The following ZNF99 variants were observed in gnomAD, a reference collection of about 807,000 sequenced individuals.
ZNF99 encodes the protein zinc finger protein 99.
A neutral mutation model predicts 12.8 loss-of-function variants in ZNF99; 8 were observed. The ratio of observed to expected loss-of-function variants is 0.62; its 90% CI spans 0.37 to 1.13. The LOEUF (loss-of-function observed/expected upper bound fraction) is 1.13. Ranked by LOEUF, ZNF99 falls within the 50% of genes most tolerant of loss-of-function variation. The pLI is 0.02. For missense variants in ZNF99, 1,007 were observed against 1,006.2 expected, an observed-to-expected ratio of 1.00 and a Z score of -0.01; for synonymous variants, 318 against 319.0, an observed-to-expected ratio of 1.00 and a Z score of 0.03.
intron 1 of ZNF99, among the ~76,000 whole-genome samples, chr19:22,775,827 C>T (rs1973319711): frequency 6.6e-6 from 1 of 152,092 alleles, no homozygotes; most frequent in South Asian, 2.1e-4. Flanking sequence ...GAGTTCGAGA[C>T]CAGCCTGGCC....
At chr19:22,771,031 C>G (rs1029253092) in intron 1 of ZNF99, 4 of 150,436 alleles carry the variant, frequency 2.7e-5, no homozygotes, top group African/African-American at 9.8e-5. Flanking sequence ...CTCCACCTCC[C>G]GGGTTCAAGC....
chr19:22,778,829 A>C (rs937054033), intron 1 of ZNF99, among the ~76,000 whole-genome samples: 1 of 151,876 alleles, frequency 6.6e-6, no homozygotes, highest in Non-Finnish European at 1.5e-5. Flanking sequence ...ACATGAAGAA[A>C]CCTCGTCTCT....
chr19:22,782,708 C>T (rs1973402713), intron 1 of ZNF99, among the ~76,000 whole-genome samples: 1 of 122,624 alleles, frequency 8.2e-6, no homozygotes, highest in South Asian at 3.0e-4. Context: ...GTCTCCCTCT[C>T]TTGCCCAGGC....
chr19:22,757,508 A>T lies in ZNF99; in HGVS notation c.2401T>A (p.Ser801Thr), dbSNP rs779008113. Residue 801 changes from serine (S) to threonine (T), a missense_variant, in exon 4 of 4, where the codon TCC becomes ACC. By Grantham distance (58) the Ser-to-Thr change is moderately conservative (BLOSUM62 1). Transcript: ENST00000596209. ...ATCTCATGTTTTCTAAGGGTTGAGG[A>T]ATTGTTAAAAGCTTTGCCACATTCT... Reference protein sequence around the residue: ...CEECGKAFNNSSTLRKHEIIH... With the variant: ...CEECGKAFNNTSTLRKHEIIH... 2 of 1,611,126 alleles carry T rather than the reference A, an allele frequency of 1.2e-6. No homozygotes were observed. The highest frequency in any genetic ancestry group is 2.2e-5 in the South Asian group (2 of 91,048).
intron 1 of ZNF99, among the ~76,000 whole-genome samples, chr19:22,777,457 T>C (rs2145158700): frequency 6.6e-6 from 1 of 152,148 alleles, no homozygotes; most frequent in South Asian, 2.1e-4. Flanking sequence ...AGTGACAAAA[T>C]AATCTGCACA....
intron 1 of ZNF99, among the ~76,000 whole-genome samples, chr19:22,776,422 T>C (rs1298067719): frequency 5.7e-4 from 11 of 19,290 alleles, no homozygotes; most frequent in Non-Finnish European, 1.1e-3. Context: ...TATATATATA[T>C]ATATATATAT....
rs1175909307 is a variant in ZNF99, at chr19:22,759,233, C to A, written c.676G>T (p.Asp226Tyr). 6 of 1,558,854 alleles carry A rather than the reference C, an allele frequency of 3.8e-6. No homozygotes were observed. The highest frequency in any genetic ancestry group is 4.8e-5 in the East Asian group (2 of 41,684). Reference protein sequence around the residue: ...LIKHKIIHTEDKPYKYKKCGK... With the variant: ...LIKHKIIHTEYKPYKYKKCGK... ...CATTTCTTATATTTGTAGGGTTTGT[C>A]TTCAGTATGAATTATCTTATGTTTA... Residue 226 changes from aspartate (D) to tyrosine (Y), a missense_variant, in exon 4 of 4, where the codon GAC becomes TAC. Physicochemically the swap from Asp to Tyr is radical, Grantham distance 160. Coordinates refer to ENST00000596209, the MANE Select transcript of ZNF99 (RefSeq NM_001080409.3).
intron 1 of ZNF99, among the ~76,000 whole-genome samples, 169 bp downstream of exon 1, chr19:22,783,845 G>A (rs1040789604): frequency 5.3e-5 from 8 of 152,162 alleles, no homozygotes; most frequent in Non-Finnish European, 1.2e-4. Flanking sequence ...CCCGCAGTCA[G>A]CGCAGCCGCC....
intron 1 of ZNF99, among the ~76,000 whole-genome samples, chr19:22,774,592 AG>A (rs1461816907): frequency 1.3e-5 from 2 of 152,224 alleles, no homozygotes; most frequent in Non-Finnish European, 2.9e-5. Flanking sequence ...TTAACAGGCC[AG>A]GCACAGTGGC....
chr19:22,766,197 G>T (rs1168339860), intron 3 of ZNF99, among the ~76,000 whole-genome samples: 10 of 141,396 alleles, frequency 7.1e-5, no homozygotes, highest in Non-Finnish European at 1.5e-4. Flanking sequence ...TAGAAACTAC[G>T]CAAAACAAAA....
Position 22,754,599 on chromosome 19 carries a change from T to C in ZNF99, c.*2715A>G, listed in dbSNP as rs964937320. On this transcript the variant is annotated 3_prime_UTR_variant, in exon 4 of 4. Coordinates refer to ENST00000596209, the MANE Select transcript of ZNF99 (RefSeq NM_001080409.3). ...TCGGGTTTCTCTTCAGTATGAATTA[T>C]CTTAATGTGTGGTAAGATGTGAGAA... 2 of 393,446 alleles carry C rather than the reference T, an allele frequency of 5.1e-6. No individual in the cohort carries two copies. Among genetic ancestry groups the C allele is most frequent in the Non-Finnish European group, 1.0e-5 (2 of 200,420 alleles). The allele number at this position is 393,446 out of a possible 1,614,324, so 24.4% of individuals were successfully genotyped here.
At chr19:22,765,466 C>T (rs1242885231) in intron 3 of ZNF99, among the ~76,000 whole-genome samples, 1 of 151,246 alleles carries the variant, frequency 6.6e-6, no homozygotes, top group Non-Finnish European at 1.5e-5. Flanking sequence ...ACCACTTGTA[C>T]CTCAATAACT....
chr19:22,773,184 T>G (rs539992577), intron 1 of ZNF99, among the ~76,000 whole-genome samples: 1 of 152,312 alleles, frequency 6.6e-6, no homozygotes, highest in African/African-American at 2.4e-5. Context: ...CAATTGTGAG[T>G]TGAATGATAG....
In ZNF99 at chr19:22,757,209, A is replaced by T. The variant is rs183100390; in HGVS notation, c.*105T>A. 3 of 1,588,822 alleles carry T rather than the reference A, an allele frequency of 1.9e-6. No individual in the cohort carries two copies. The highest frequency in any genetic ancestry group is 2.6e-6 in the Non-Finnish European group (3 of 1,163,122). On this transcript the variant is annotated 3_prime_UTR_variant, in exon 4 of 4. Transcript: ENST00000596209. The stretch of plus-strand genomic sequence containing the variant: ...GCTTTGCCACATTCTTCACATTTGT[A>T]TGGTTTCTTCCCAGTATAAATTATC...
At position 22,756,759 on chromosome 19, in the gene ZNF99, G is replaced by C. The variant is rs746170134; in HGVS notation, c.*555C>G. 3.1e-6 allele frequency: 5 copies of C among 1,607,424 alleles called. No homozygotes were observed. In the South Asian group the frequency reaches 5.5e-5, roughly 18 times the overall value. ...TATGTTTCATAAGGGTTGAGGAATTGTTAAAAGCTTTGCCACATTCTTCAC... is the reference window on the plus strand; with the variant it reads ...TATGTTTCATAAGGGTTGAGGAATTCTTAAAAGCTTTGCCACATTCTTCAC... On this transcript the variant is annotated 3_prime_UTR_variant, in exon 4 of 4. Transcript: ENST00000596209.
chr19:22,756,144 T>C lies in ZNF99; in HGVS notation c.*1170A>G. On this transcript the variant is annotated 3_prime_UTR_variant, in exon 4 of 4. Coordinates refer to ENST00000596209, the MANE Select transcript of ZNF99 (RefSeq NM_001080409.3). ...ATGGAGGGTCTGTCTCTAGTATAAA[T>C]TATCTTATGTGTATTAAGGTTTGTA... The C allele has an allele frequency of 6.7e-7, 1 of 1,503,526 alleles. No individual in the cohort carries two copies. The highest frequency in any genetic ancestry group is 1.2e-5 in the South Asian group (1 of 85,400). 93.1% of individuals were successfully genotyped at this position (1,503,526 alleles called of 1,614,324 possible).
chr19:22,769,474 A>G, intron 1 of ZNF99, 150 bp from the exon 2 acceptor site: 2 of 915,142 alleles, frequency 2.2e-6, no homozygotes, highest in Non-Finnish European at 3.1e-6. Context: ...TTTTCAACAC[A>G]GAAATCGTCT....
Position 22,757,572 on chromosome 19 carries a change from A to T in ZNF99, c.2337T>A (p.His779Gln). 6.2e-7 allele frequency: 1 copy of T among 1,610,946 alleles called. No homozygotes were observed. Among genetic ancestry groups the T allele is most frequent in the Non-Finnish European group, 8.5e-7 (1 of 1,179,534 alleles). Residue 779 changes from histidine to glutamine, a missense_variant, in exon 4 of 4, where the codon CAT becomes CAA. Coordinates refer to ENST00000596209, the MANE Select transcript of ZNF99 (RefSeq NM_001080409.3). ...AFKHFSALRK[H>Q]KIIHTGKKPY... is the part of the protein sequence containing the mutation. ...GTTTCTTTCCAGTATGAATTATCTTATGTTTTCTAAGGGCTGAGAAATGCT... is the reference window on the plus strand; with the variant it reads ...GTTTCTTTCCAGTATGAATTATCTTTTGTTTTCTAAGGGCTGAGAAATGCT...
At position 22,756,451 on chromosome 19, in the gene ZNF99, T is replaced by G. The variant is rs1468481312; in HGVS notation, c.*863A>C. On this transcript the variant is annotated 3_prime_UTR_variant, in exon 4 of 4. Transcript: ENST00000596209. ...AAATGCTTTACCACACTCTTCACAT[T>G]TGTAGGGTTTCTTTCCAGTATGAAT... 1 of 1,586,274 alleles carries G rather than the reference T, an allele frequency of 6.3e-7. No individual in the cohort carries two copies. The highest frequency in any genetic ancestry group is 8.6e-7 in the Non-Finnish European group (1 of 1,167,982).
Sources: gnomAD v4.1 joint callset for allele counts (sites outside exome capture counted in the v4.1 genomes callset) on GRCh38, gnomAD v4.1.1 for gene constraint, MANE v1.5 for transcripts, NCBI Gene and HGNC (gene_info 2026-07-23, HGNC 2026-07-21) for gene names.